The following HAUS6 variants were observed in gnomAD, a reference collection of about 807,000 sequenced individuals.
HAUS6 encodes HAUS augmin like complex subunit 6.
In HAUS6, 80 loss-of-function variants were observed where a neutral mutation model predicts 106.8. That is an observed-to-expected ratio of 0.75 (90% CI 0.63 to 0.90). The LOEUF (loss-of-function observed/expected upper bound fraction) is 0.90, where lower values mean the gene tolerates loss of function less well. HAUS6 is among the 40% of genes least tolerant of loss of function. The probability of loss-of-function intolerance (pLI) is 0.00; values close to 1 mark genes in which losing one functional copy is unlikely to be tolerated. For synonymous variants in HAUS6, 356 were observed against 379.1 expected (o/e 0.94, Z 0.71); for missense variants, 1,155 against 1,118.1 (o/e 1.03, Z -0.47).
At chr9:19,070,682 A>G (rs931751019) in intron 11 of HAUS6, among the ~76,000 whole-genome samples, 6 of 152,232 alleles carry the variant, frequency 3.9e-5, no homozygotes, top group Non-Finnish European at 8.8e-5. Flanking sequence ...GTCAACCTAT[A>G]TATTTATTCT....
At chr9:19,095,293 T>G (rs957863328) in intron 2 of HAUS6, among the ~76,000 whole-genome samples, 2 of 152,130 alleles carry the variant, frequency 1.3e-5, no homozygotes, top group African/African-American at 2.4e-5. Context: ...TTCCAAATTT[T>G]TATTCTGAGG....
chr9:19,066,830 CAAAAAAAA>C (rs71333078), intron 12 of HAUS6, among the ~76,000 whole-genome samples: 2 of 82,100 alleles, frequency 2.4e-5, no homozygotes, highest in Non-Finnish European at 4.9e-5. Flanking sequence ...CTCATCTCTA[CAAAAAAAA>C]AAAAAAAAAA....
chr9:19,059,430 T>C (rs1259744441), intron 15 of HAUS6, among the ~76,000 whole-genome samples: 1 of 152,232 alleles, frequency 6.6e-6, no homozygotes, highest in Non-Finnish European at 1.5e-5. Flanking sequence ...AACAAATGAA[T>C]ATGCTTATGT....
chr9:19,083,151 G>T, intron 7 of HAUS6, 108 bp from the exon 8 acceptor site: 1 of 515,078 alleles, frequency 1.9e-6, no homozygotes, highest in Non-Finnish European at 3.3e-6. Context: ...ATGATTTCTA[G>T]TAAGAAAATT....
rs142041662 is a variant in HAUS6 at position 19,083,974 on chromosome 9, C to T, written c.700-931G>A. Among the ~76,000 whole-genome samples the T allele has an allele frequency of 4.0e-5, 6 of 149,338 alleles. No homozygotes were observed. The East Asian group carries it at 7.9e-4, about 20-fold the overall frequency. The stretch of plus-strand genomic sequence containing the variant: ...ATTGATATACAAGAATATTTAGGCA[C>T]GCACAGTGGCGCATACCTGTAATCC... On this transcript the variant is annotated intron_variant, in intron 7 of 16. Transcript: ENST00000380502.
At chr9:19,091,612 C>T (rs552267802) in intron 4 of HAUS6, among the ~76,000 whole-genome samples, 7 of 151,980 alleles carry the variant, frequency 4.6e-5, no homozygotes, top group African/African-American at 9.6e-5. Context: ...ACCAGGAGTT[C>T]GAATCAAAAC....
chr9:19,089,924 C>T (rs1406943590), intron 4 of HAUS6, among the ~76,000 whole-genome samples: 9 of 152,092 alleles, frequency 5.9e-5, no homozygotes, highest in Admixed American at 5.9e-4. Context: ...CCTCAACCTT[C>T]CGGGTTCAAG....
At position 19,088,098 on chromosome 9, in the gene HAUS6, C is replaced by T. The variant is rs115737149; in HGVS notation, c.585-942G>A. Among the ~76,000 whole-genome samples, 1,313 of 152,274 alleles carry T rather than the reference C, an allele frequency of 8.6e-3. 18 individuals are homozygous for T. The highest frequency in any genetic ancestry group is 0.03 in the African/African-American group (1,251 of 41,560). On this transcript the variant is annotated intron_variant, in intron 5 of 16. Transcript: ENST00000380502. ...GAATATCTGCTTAATGAAATATCCACTAACAGGACTAATAGACATTAAAAG... is the reference window on the plus strand; with the variant it reads ...GAATATCTGCTTAATGAAATATCCATTAACAGGACTAATAGACATTAAAAG...
chr9:19,082,856 T>A lies in HAUS6; in HGVS notation c.870+17A>T, dbSNP rs1422112056. 2.9e-6 allele frequency: 4 copies of A among 1,363,808 alleles called. No homozygotes were observed. Among genetic ancestry groups the A allele is most frequent in the Non-Finnish European group, 3.9e-6 (4 of 1,021,356 alleles). The allele number at this position is 1,363,808 out of a possible 1,614,324, so 84.5% of individuals were successfully genotyped here. On this transcript the variant is annotated intron_variant, in intron 8 of 16. Transcript: ENST00000380502. ...ATAGGAGTTTTCTCAAAAGCTTCCT[T>A]AATATCAAATGCTTACCTGAAACAT...
At chr9:19,085,131 G>T (rs1837259170) in intron 7 of HAUS6, among the ~76,000 whole-genome samples, 2 of 152,036 alleles carry the variant, frequency 1.3e-5, no homozygotes, top group Admixed American at 1.3e-4. Flanking sequence ...GTTCCCAAAG[G>T]AAGACTCATT....
chr9:19,063,670 T>C lies in HAUS6; in HGVS notation c.1377-90A>G, dbSNP rs370655803. On this transcript the variant is annotated intron_variant, in intron 12 of 16. Coordinates refer to ENST00000380502, the MANE Select transcript of HAUS6 (RefSeq NM_017645.5). ...TCTATTCTAAAATCTGTCTGCCCCG[T>C]ATCTGTCCGTTACGATTTCACTCAA... 1.2e-4 allele frequency: 103 copies of C among 887,250 alleles called. No individual in the cohort carries two copies. The African/African-American group carries it at 1.5e-3, about 13-fold the overall frequency. The allele number at this position is 887,250 out of a possible 1,614,324, so 55.0% of individuals were successfully genotyped here.
rs1374810413 is a variant in HAUS6 at position 19,055,102 on chromosome 9, C to T, written c.*1241G>A. The T allele has an allele frequency of 2.6e-5, 4 of 152,174 alleles. No homozygotes were observed. The highest frequency in any genetic ancestry group is 5.9e-5 in the Non-Finnish European group (4 of 68,040). The allele number at this position is 152,174 out of a possible 1,614,324, so 9.4% of individuals were successfully genotyped here. On this transcript the variant is annotated 3_prime_UTR_variant, in exon 17 of 17. Coordinates refer to ENST00000380502, the MANE Select transcript of HAUS6 (RefSeq NM_017645.5). ...GGGTCTTCACACTGGGACAGGACAA[C>T]CAACTTAGAGAAAGGCAGCCCAAGA... is the stretch of plus-strand genomic sequence containing the variant.
chr9:19,092,339 G>A (rs1399112070), intron 4 of HAUS6, among the ~76,000 whole-genome samples: 1 of 151,676 alleles, frequency 6.6e-6, no homozygotes. Flanking sequence ...TCTCATGCCT[G>A]TAATCCTAAC....
intron 5 of HAUS6, among the ~76,000 whole-genome samples, chr9:19,088,730 G>A (rs1299353907): frequency 2.0e-5 from 3 of 147,806 alleles, no homozygotes; most frequent in African/African-American, 7.4e-5. Flanking sequence ...AAAAAAAAAT[G>A]AGCCAGGCGT....
intron 12 of HAUS6, 54 bp from the exon 13 acceptor site, chr9:19,063,634 C>A (rs1223102634): frequency 3.5e-6 from 4 of 1,149,116 alleles, no homozygotes; most frequent in East Asian, 4.7e-5. Context: ...GAATTCCATT[C>A]CCTTTACGAG....
chr9:19,060,024 C>A, intron 15 of HAUS6, 64 bp downstream of exon 15: 2 of 1,298,358 alleles, frequency 1.5e-6, no homozygotes, highest in South Asian at 1.3e-5. Flanking sequence ...ATCTGTCAGG[C>A]CATGGTTCTA....
chr9:19,078,376 A>G, intron 9 of HAUS6, 74 bp from the exon 10 acceptor site: 1 of 851,862 alleles, frequency 1.2e-6, no homozygotes, highest in South Asian at 1.6e-5. Flanking sequence ...AGAAAATAAC[A>G]ATAGTTGTAG....
rs1836406415 is a variant in HAUS6 at position 19,053,635 on chromosome 9, G to C, written c.*2708C>G. Reference sequence around the variant, plus strand: ...TTAGAACATTTTAGCATTATCTCAGGTTTCAAGCTGATGTATGTCAGTTTA... The same window carrying C: ...TTAGAACATTTTAGCATTATCTCAGCTTTCAAGCTGATGTATGTCAGTTTA... On this transcript the variant is annotated 3_prime_UTR_variant, in exon 17 of 17. Coordinates refer to ENST00000380502, the MANE Select transcript of HAUS6 (RefSeq NM_017645.5). 6.6e-6 allele frequency: 1 copy of C among 151,982 alleles called. No homozygotes were observed. The highest frequency in any genetic ancestry group is 2.1e-4 in the South Asian group (1 of 4,824). 9.4% of individuals were successfully genotyped at this position (151,982 alleles called of 1,614,324 possible).
In HAUS6 at chr9:19,098,357, G is replaced by A. The variant is rs573680557; in HGVS notation, c.129-1588C>T. ...GGAGGCTGAGGCAGGAGAATCGCTT[G>A]AACCCAGGAGGCAGAGGTTGCAGTG... On this transcript the variant is annotated intron_variant, in intron 1 of 16. Transcript: ENST00000380502. 6.3e-3 allele frequency among the ~76,000 whole-genome samples: 942 copies of A among 149,260 alleles called. 4 individuals are homozygous for A. The highest frequency in any genetic ancestry group is 8.7e-3 in the Non-Finnish European group (590 of 67,764).
Sources: allele counts gnomAD v4.1 joint callset (sites outside exome capture counted in the v4.1 genomes callset), GRCh38; gene constraint gnomAD v4.1.1; transcripts MANE v1.5; gene names NCBI Gene and HGNC (gene_info 2026-07-23, HGNC 2026-07-21).